Variants in DNAH10 observed in about 807,000 individuals in gnomAD.
The protein encoded by DNAH10 is dynein axonemal heavy chain 10.
DNAH10 carries 348 observed loss-of-function variants against 506.6 expected under a neutral mutation model. The ratio of observed to expected loss-of-function variants is 0.69; its 90% CI spans 0.63 to 0.75. The LOEUF is 0.75. DNAH10 is among the 30% of genes least tolerant of loss of function. DNAH10 has a pLI of 0.00. For missense variants in DNAH10, 5,179 were observed against 5,787.1 expected (o/e 0.89, Z 3.41); for synonymous variants, 2,059 against 2,198.6 (o/e 0.94, Z 1.78).
chr12:123,930,523 A>C lies in DNAH10; in HGVS notation c.12734A>C (p.Lys4245Thr), dbSNP rs748974558. The C allele has an allele frequency of 6.2e-7, 1 of 1,610,098 alleles. No homozygotes were observed. Among genetic ancestry groups the C allele is most frequent in the Non-Finnish European group, 8.5e-7 (1 of 1,178,788 alleles). The change falls in exon 73 of 79, where the codon AAG becomes ACG. Residue 4245 changes from lysine to threonine, a missense_variant. Lys to Thr is a moderately conservative substitution (Grantham distance 78). Around this residue, in one of 3 missense-constraint regions of DNAH10, gnomAD observed 4,844 missense variants for 5,430.5 expected, o/e 0.89. Transcript: ENST00000673944. ...CAGCCATTCCACTTCTTCCGGAACAAGGAAGTGGACTACAAAATCCCTGTT... is the reference window on the plus strand; with the variant it reads ...CAGCCATTCCACTTCTTCCGGAACACGGAAGTGGACTACAAAATCCCTGTT... Reference protein sequence around the residue: ...TFQPFHFFRNKEVDYKIPVGD... With the variant: ...TFQPFHFFRNTEVDYKIPVGD...
chr12:123,816,558 C>T (rs140607988), intron 21 of DNAH10, among the ~76,000 whole-genome samples: 1,566 of 152,262 alleles, frequency 0.01, 14 homozygotes, highest in South Asian at 0.033. Context: ...GCGTCTCTTT[C>T]GTTTGGCTGT....
At chr12:123,906,694 TTC>T (rs2137342126) in intron 57 of DNAH10, among the ~76,000 whole-genome samples, 2 of 152,262 alleles carry the variant, frequency 1.3e-5, no homozygotes, top group East Asian at 3.9e-4. Context: ...TTTCCTGGGG[TTC>T]TGTGTGAGTT....
In DNAH10 at chr12:123,813,407, G is replaced by A. The variant is rs569038392; in HGVS notation, c.3388G>A (p.Ala1130Thr). 20 of 1,614,220 alleles carry A rather than the reference G, an allele frequency of 1.2e-5. No individual in the cohort carries two copies. Among genetic ancestry groups the A allele is most frequent in the Non-Finnish European group, 1.7e-5 (20 of 1,180,036 alleles). ...CAAAGCTATTGTGATGGAGAAATTT[G>A]CTGCCAAGAAACCTCCTTGTGTAGC... ...LDKAIVMEKF[A>T]AKKPPCVAYD... Residue 1130 changes from alanine (A) to threonine (T), a missense_variant, in exon 20 of 79, where the codon GCT becomes ACT. Around this residue, in one of 3 missense-constraint regions of DNAH10, gnomAD observed 4,844 missense variants for 5,430.5 expected, o/e 0.89. Transcript: ENST00000673944.
In DNAH10 at chr12:123,914,512, G is replaced by T. The variant is rs780133897; in HGVS notation, c.10536G>T (p.Arg3512=). Residue 3512 remains arginine, a synonymous_variant, in exon 61 of 79, where the codon CGG becomes CGT. Coordinates refer to ENST00000673944, the MANE Select transcript of DNAH10 (RefSeq NM_001372106.1). ...EREIPLSQPF[R]LESLLTDDVE... The stretch of plus-strand genomic sequence containing the variant: ...AGATCCCCCTGAGCCAGCCTTTCCG[G>T]CTGGAAAGCCTGCTCACGGATGATG... 1.2e-6 allele frequency: 2 copies of T among 1,613,610 alleles called. No homozygotes were observed. Among genetic ancestry groups the T allele is most frequent in the Non-Finnish European group, 1.7e-6 (2 of 1,179,866 alleles).
rs1196165054 is a variant in DNAH10, at chr12:123,809,722, C to G, written c.3144+769C>G. 2.6e-5 allele frequency among the ~76,000 whole-genome samples: 4 copies of G among 152,154 alleles called. No individual in the cohort carries two copies. The East Asian group carries it at 5.8e-4, about 22-fold the overall frequency. ...CCTGTTGTAAACTGCCCCCACCCAC[C>G]CCATGACTTAATTACACTTGGAACA... On this transcript the variant is annotated intron_variant, in intron 19 of 78. Coordinates refer to ENST00000673944, the MANE Select transcript of DNAH10 (RefSeq NM_001372106.1).
chr12:123,779,119 G>A (rs1321365674), intron 5 of DNAH10, among the ~76,000 whole-genome samples: 1 of 152,078 alleles, frequency 6.6e-6, no homozygotes, highest in East Asian at 1.9e-4. Context: ...TAGCCAGGAT[G>A]GTCTCGATCT....
chr12:123,890,411 C>T (rs1952927907), intron 52 of DNAH10, among the ~76,000 whole-genome samples: 1 of 150,770 alleles, frequency 6.6e-6, no homozygotes. Context: ...GCTGGGACTA[C>T]AGATGCATCT....
chr12:123,931,368 A>G lies in DNAH10; in HGVS notation c.12812A>G (p.Asn4271Ser), dbSNP rs995178399. 8 of 1,613,778 alleles carry G rather than the reference A, an allele frequency of 5.0e-6. No homozygotes were observed. The highest frequency in any genetic ancestry group is 5.9e-6 in the Non-Finnish European group (7 of 1,179,902). The change falls in exon 74 of 79, where the codon AAC becomes AGC. Residue 4271 changes from asparagine (N) to serine (S), a missense_variant. Around this residue, in one of 3 missense-constraint regions of DNAH10, gnomAD observed 4,844 missense variants for 5,430.5 expected, o/e 0.89. Coordinates refer to ENST00000673944, the MANE Select transcript of DNAH10 (RefSeq NM_001372106.1). ...VEAIEALPLA[N>S]TPEVFGLHPN... ...GCCATCGAGGCCCTCCCGCTTGCCA[A>G]CACGCCAGAAGTGTTTGGTCTCCAC...
At position 123,918,945 on chromosome 12, in the gene DNAH10, C is replaced by T; in HGVS notation, c.11502C>T (p.Cys3834=). 6.2e-7 allele frequency: 1 copy of T among 1,608,668 alleles called. No homozygotes were observed. The highest frequency in any genetic ancestry group is 2.2e-5 in the East Asian group (1 of 44,802). ...CCTTCAGCATCTATAACCACGGCTG[C>T]ACAGGTGAGCTCTCCCCACAGAGGA... is the stretch of plus-strand genomic sequence containing the variant. ...TLTFSIYNHG[C]TGLFERHKLL... The change falls in exon 65 of 79, where the codon TGC becomes TGT. Residue 3834 remains cysteine (C), a synonymous_variant. Transcript: ENST00000673944.
At chr12:123,897,499 C>T (rs1039471815) in intron 54 of DNAH10, among the ~76,000 whole-genome samples, 1 of 152,112 alleles carries the variant, frequency 6.6e-6, no homozygotes, top group Non-Finnish European at 1.5e-5. Flanking sequence ...TGAGGTGGAC[C>T]GATTGCCTTA....
intron 62 of DNAH10, among the ~76,000 whole-genome samples, chr12:123,915,818 C>T (rs1055612946): frequency 4.6e-5 from 7 of 152,134 alleles, no homozygotes; most frequent in Admixed American, 3.3e-4. Flanking sequence ...TGAAGAATGC[C>T]GCTGTGAATG....
chr12:123,908,005 G>T (rs1277895552), intron 57 of DNAH10, among the ~76,000 whole-genome samples: 1 of 152,086 alleles, frequency 6.6e-6, no homozygotes, highest in Non-Finnish European at 1.5e-5. Flanking sequence ...GGGTTCCGGG[G>T]TCAGGAGGGG....
chr12:123,890,157 G>T (rs1476463699), intron 52 of DNAH10, among the ~76,000 whole-genome samples: 2 of 152,224 alleles, frequency 1.3e-5, no homozygotes, highest in Non-Finnish European at 2.9e-5. Flanking sequence ...GGATCAGGAC[G>T]AGGTGGAGGG....
rs1252737822 is a variant in DNAH10, at chr12:123,865,918, T to C, written c.7045-33T>C. On this transcript the variant is annotated intron_variant, in intron 40 of 78. Coordinates refer to ENST00000673944, the MANE Select transcript of DNAH10 (RefSeq NM_001372106.1). ...ACATCTAGTTTATCTTGTGTATAGC[T>C]ATAGCCATGATTGATTTTCTTTATT... The C allele has an allele frequency of 9.5e-6, 15 of 1,586,676 alleles. No individual in the cohort carries two copies. In the Admixed American group the frequency reaches 1.3e-4, roughly 14 times the overall value.
chr12:123,765,559 ATACTTTATCTATCTATC>A (rs1262021046), intron 1 of DNAH10, among the ~76,000 whole-genome samples: 1 of 72,260 alleles, frequency 1.4e-5, no homozygotes, highest in East Asian at 6.7e-4. Flanking sequence ...GCATCTATCT[ATACTTTATCTATCTATC>A]TATCTATCTA....
rs752057641 is a variant in DNAH10 at position 123,931,358 on chromosome 12, C to G, written c.12802C>G (p.Pro4268Ala). The change falls in exon 74 of 79, where the codon CCG becomes GCG. Residue 4268 changes from proline to alanine, a missense_variant. Pro to Ala is a conservative substitution (Grantham distance 27). Coordinates refer to ENST00000673944, the MANE Select transcript of DNAH10 (RefSeq NM_001372106.1). ...GATTGCAGAAGCCATCGAGGCCCTC[C>G]CGCTTGCCAACACGCCAGAAGTGTT... Reference protein sequence around the residue: ...EKFVEAIEALPLANTPEVFGL... With the variant: ...EKFVEAIEALALANTPEVFGL... The G allele has an allele frequency of 2.5e-6, 4 of 1,613,802 alleles. No individual in the cohort carries two copies. The highest frequency in any genetic ancestry group is 1.7e-5 in the Admixed American group (1 of 60,024).
intron 65 of DNAH10, among the ~76,000 whole-genome samples, chr12:123,921,841 G>GTAGCTGGGATTA (rs1954745217): frequency 6.6e-6 from 1 of 151,054 alleles, no homozygotes; most frequent in Non-Finnish European, 1.5e-5. Context: ...AGCCTCCCAA[G>GTAGCTGGGATTA]TAGCTGGGAT....
intron 19 of DNAH10, among the ~76,000 whole-genome samples, chr12:123,809,781 G>A (rs1008712266): frequency 1.3e-5 from 2 of 152,106 alleles, no homozygotes; most frequent in Non-Finnish European, 1.5e-5. Flanking sequence ...CTGTGAGGCC[G>A]CCATGCTCTA....
chr12:123,851,105 G>A, intron 35 of DNAH10, 29 bp downstream of exon 35: 1 of 1,571,822 alleles, frequency 6.4e-7, no homozygotes, highest in Non-Finnish European at 8.6e-7. Flanking sequence ...GCCAGGTCGT[G>A]CAGTGCAGAC....
Sources: allele counts gnomAD v4.1 joint callset (sites outside exome capture counted in the v4.1 genomes callset), GRCh38; gene constraint gnomAD v4.1.1; regional missense constraint gnomAD v4.1.1; transcripts MANE v1.5; gene names NCBI Gene and HGNC (gene_info 2026-07-23, HGNC 2026-07-21).